AMPH: variants seen among roughly 807,000 people sequenced by gnomAD.
AMPH encodes the protein amphiphysin.
Under a neutral mutation model 99.1 loss-of-function variants are expected in AMPH, and 49 were observed. The observed-to-expected ratio is 0.49, with a 90% CI of 0.39 to 0.63. The LOEUF (loss-of-function observed/expected upper bound fraction) is 0.63, where lower values mean the gene tolerates loss of function less well. Among genes scored for constraint, AMPH ranks in the 20% least tolerant of loss-of-function variants. The pLI is 0.00. For synonymous variants in AMPH, 314 were observed against 317.3 expected, an observed-to-expected ratio of 0.99 and a Z score of 0.11; for missense variants, 759 against 863.4, an observed-to-expected ratio of 0.88 and a Z score of 1.52.
At chr7:38,447,821 A>AT in intron 11 of AMPH, among the ~76,000 whole-genome samples, 1 of 152,002 alleles carries the variant, frequency 6.6e-6, no homozygotes. Context: ...GTATTATAGT[A>AT]AGCCAGATTA....
intron 13 of AMPH, among the ~76,000 whole-genome samples, chr7:38,430,379 C>G (rs1452149135): frequency 6.6e-6 from 1 of 152,140 alleles, no homozygotes; most frequent in African/African-American, 2.4e-5. Context: ...TGTCATTCCC[C>G]CAAATTAGCA....
intron 1 of AMPH, among the ~76,000 whole-genome samples, chr7:38,558,896 C>T (rs1314078514): frequency 6.6e-6 from 1 of 152,170 alleles, no homozygotes; most frequent in African/African-American, 2.4e-5. Context: ...AACAGACCTG[C>T]ATAAAGAAGC....
intron 1 of AMPH, among the ~76,000 whole-genome samples, chr7:38,624,808 T>C (rs1488068274): frequency 6.6e-6 from 1 of 151,690 alleles, no homozygotes; most frequent in Admixed American, 6.6e-5. Context: ...AAGGCGACAG[T>C]AAAGGAATAA....
chr7:38,609,896 T>C (rs1241909451), intron 1 of AMPH, among the ~76,000 whole-genome samples: 1 of 152,086 alleles, frequency 6.6e-6, no homozygotes, highest in African/African-American at 2.4e-5. Context: ...AAACTTACTC[T>C]GTTCAAAAAC....
intron 1 of AMPH, among the ~76,000 whole-genome samples, chr7:38,541,285 T>A (rs188050805): frequency 3.6e-3 from 341 of 95,166 alleles, no homozygotes; most frequent in African/African-American, 0.012. Flanking sequence ...TCAGGGGAGG[T>A]AAGTGCAGGG....
rs937115050 is a variant in AMPH, at chr7:38,549,684, G to A, written c.70-14673C>T. 2.6e-5 allele frequency among the ~76,000 whole-genome samples: 4 copies of A among 152,174 alleles called. 1 individual carries two copies. In the South Asian group the frequency reaches 8.3e-4, roughly 32 times the overall value. On this transcript the variant is annotated intron_variant, in intron 1 of 20. Transcript: ENST00000356264. The stretch of plus-strand genomic sequence containing the variant: ...CACAGGGAAATCAAATCCCACATAT[G>A]GTCTTGGTGTAAAGCACAGGGGCTG...
intron 1 of AMPH, among the ~76,000 whole-genome samples, chr7:38,596,124 G>A (rs1584286565): frequency 6.6e-6 from 1 of 152,146 alleles, no homozygotes; most frequent in Non-Finnish European, 1.5e-5. Flanking sequence ...TAATTTCTTT[G>A]AGAAATCTCC....
intron 1 of AMPH, among the ~76,000 whole-genome samples, chr7:38,619,195 TA>T (rs937432685): frequency 2.7e-5 from 4 of 149,186 alleles, no homozygotes; most frequent in Admixed American, 1.3e-4. Flanking sequence ...GTCTCTTAAA[TA>T]AAAAAAAAGA....
intron 11 of AMPH, among the ~76,000 whole-genome samples, chr7:38,451,917 G>A (rs1490751492): frequency 6.6e-6 from 1 of 152,148 alleles, no homozygotes; most frequent in Non-Finnish European, 1.5e-5. Flanking sequence ...CACAAAACCA[G>A]AAAAGCAAGT....
chr7:38,579,899 A>G (rs920528601), intron 1 of AMPH, among the ~76,000 whole-genome samples: 5 of 152,156 alleles, frequency 3.3e-5, no homozygotes, highest in African/African-American at 1.2e-4. Context: ...ACAAAAGATC[A>G]AGAAAATGTA....
At chr7:38,409,117 T>A (rs1031323611) in intron 17 of AMPH, among the ~76,000 whole-genome samples, 1 of 152,196 alleles carries the variant, frequency 6.6e-6, no homozygotes, top group Non-Finnish European at 1.5e-5. Flanking sequence ...TTCCACTAAT[T>A]TGCTATGGAG....
chr7:38,426,542 G>A (rs968812140), intron 15 of AMPH, among the ~76,000 whole-genome samples: 1 of 152,166 alleles, frequency 6.6e-6, no homozygotes, highest in Non-Finnish European at 1.5e-5. Context: ...ATTTTCTAAA[G>A]ATCCATCTCA....
rs552748738 is a variant in AMPH at position 38,393,179 on chromosome 7, C to T, written c.1608+826G>A. 3.3e-5 allele frequency among the ~76,000 whole-genome samples: 5 copies of T among 152,230 alleles called. No homozygotes were observed. In the South Asian group the frequency reaches 1.0e-3, roughly 32 times the overall value. ...GGAAAAAGGAATATTCTTTTAAGTT[C>T]CTTCTCCCATAACACTGTTATCTGC... On this transcript the variant is annotated intron_variant, in intron 18 of 20. Transcript: ENST00000356264.
At chr7:38,574,284 T>G (rs1292797031) in intron 1 of AMPH, among the ~76,000 whole-genome samples, 1 of 152,192 alleles carries the variant, frequency 6.6e-6, no homozygotes, top group East Asian at 1.9e-4. Flanking sequence ...ATTCAATAAC[T>G]AAGACAACTG....
chr7:38,610,255 A>G (rs1472506301), intron 1 of AMPH, among the ~76,000 whole-genome samples: 38 of 30,762 alleles, frequency 1.2e-3, no homozygotes, highest in African/African-American at 9.2e-3. Context: ...AAAAAAAAAA[A>G]AAAAAAAAGA....
rs559687822 is a variant in AMPH at position 38,607,005 on chromosome 7, A to C, written c.69+24278T>G. Among the ~76,000 whole-genome samples, 6 of 152,304 alleles carry C rather than the reference A, an allele frequency of 3.9e-5. No homozygotes were observed. In the South Asian group the frequency reaches 1.2e-3, roughly 32 times the overall value. On this transcript the variant is annotated intron_variant, in intron 1 of 20. Coordinates refer to ENST00000356264, the MANE Select transcript of AMPH (RefSeq NM_001635.4). ...ACTGTTATAAATAATGCTGCTGTGA[A>C]CATTCAAGTCCGAGTTTTTGTTTGA...
chr7:38,476,564 T>C (rs1788092098), intron 6 of AMPH, among the ~76,000 whole-genome samples: 1 of 152,196 alleles, frequency 6.6e-6, no homozygotes, highest in Non-Finnish European at 1.5e-5. Flanking sequence ...ATTTCAGCAC[T>C]GAGGGTGGAC....
chr7:38,553,562 A>G (rs1253918528), intron 1 of AMPH, among the ~76,000 whole-genome samples: 1 of 152,262 alleles, frequency 6.6e-6, no homozygotes, highest in Non-Finnish European at 1.5e-5. Context: ...TGTGCATTTA[A>G]ATATACATTA....
At chr7:38,510,642 G>T (rs1357668467) in intron 2 of AMPH, among the ~76,000 whole-genome samples, 1 of 152,096 alleles carries the variant, frequency 6.6e-6, no homozygotes, top group Non-Finnish European at 1.5e-5. Flanking sequence ...TCTAATAGGT[G>T]GTAAGCCAGA....
Sources: gnomAD v4.1 joint callset for allele counts (sites outside exome capture counted in the v4.1 genomes callset) on GRCh38, gnomAD v4.1.1 for gene constraint, MANE v1.5 for transcripts, NCBI Gene and HGNC (gene_info 2026-07-23, HGNC 2026-07-21) for gene names.